The following PPP1R12B variants were observed in gnomAD, a reference collection of about 807,000 sequenced individuals.
The protein encoded by PPP1R12B is myosin phosphatase target subunit 2.
A neutral mutation model predicts 126.1 loss-of-function variants in PPP1R12B; 76 were observed. The ratio of observed to expected loss-of-function variants is 0.60; its 90% CI spans 0.50 to 0.73. The LOEUF is 0.73. Ranked by LOEUF, PPP1R12B falls within the 30% of genes least tolerant of loss-of-function variation. The probability of loss-of-function intolerance (pLI) is 0.00; values close to 1 mark genes in which losing one functional copy is unlikely to be tolerated. For missense variants in PPP1R12B, 1,052 were observed against 1,205.1 expected, an observed-to-expected ratio of 0.87 and a Z score of 1.88; for synonymous variants, 356 against 434.7, an observed-to-expected ratio of 0.82 and a Z score of 2.25.
chr1:202,487,000 A>G (rs192067447), intron 13 of PPP1R12B, among the ~76,000 whole-genome samples: 9 of 152,354 alleles, frequency 5.9e-5, no homozygotes, highest in Non-Finnish European at 1.3e-4. Context: ...AGGGAAAATT[A>G]TAAGCCAATT....
chr1:202,527,881 T>C (rs1277375986), intron 18 of PPP1R12B, among the ~76,000 whole-genome samples: 1 of 152,192 alleles, frequency 6.6e-6, no homozygotes, highest in African/African-American at 2.4e-5. Context: ...AGGCTAAGAA[T>C]TGAGGCAAAG....
chr1:202,521,805 T>G (rs371804621), intron 18 of PPP1R12B, among the ~76,000 whole-genome samples: 7 of 152,304 alleles, frequency 4.6e-5, no homozygotes, highest in Admixed American at 3.9e-4. Context: ...TAACAATAAC[T>G]GCAGCTAAGA....
intron 23 of PPP1R12B, chr1:202,574,815 C>G (rs960165605): frequency 5.4e-5 from 29 of 534,412 alleles, no homozygotes; most frequent in Non-Finnish European, 1.3e-5. Flanking sequence ...TTGCTTTTCT[C>G]CATCATCCTT....
intron 3 of PPP1R12B, among the ~76,000 whole-genome samples, chr1:202,424,302 A>T (rs1173950507): frequency 6.6e-6 from 1 of 150,632 alleles, no homozygotes; most frequent in African/African-American, 2.4e-5. Flanking sequence ...CACAGATAAT[A>T]CTTAGGTAGT....
Position 202,349,010 on chromosome 1 carries a change from G to T in PPP1R12B, c.159G>T (p.Arg53Ser). 1 of 1,609,772 alleles carries T rather than the reference G, an allele frequency of 6.2e-7. No individual in the cohort carries two copies. The highest frequency in any genetic ancestry group is 1.7e-5 in the Admixed American group (1 of 58,920). Reference sequence around the variant, plus strand: ...CGCTGACCAGGCGCGGGAGCCCCAGGGTCCGCTTCGAGGACGGTGCTGTCT... The same window carrying T: ...CGCTGACCAGGCGCGGGAGCCCCAGTGTCCGCTTCGAGGACGGTGCTGTCT... Reference protein sequence around the residue: ...RQPLTRRGSPRVRFEDGAVFL... With the variant: ...RQPLTRRGSPSVRFEDGAVFL... Residue 53 changes from arginine (R) to serine (S), a missense_variant, in exon 1 of 24, where the codon AGG becomes AGT. Physicochemically the swap from Arg to Ser is moderately radical, Grantham distance 110 (BLOSUM62 -1). Coordinates refer to ENST00000608999, the MANE Select transcript of PPP1R12B (RefSeq NM_002481.4).
At chr1:202,555,463 TAAAAA>T (rs59737329) in intron 18 of PPP1R12B, among the ~76,000 whole-genome samples, 8 of 61,414 alleles carry the variant, frequency 1.3e-4, no homozygotes. Context: ...AAGAAGAAAC[TAAAAA>T]AAAAAAAAAA....
Position 202,417,353 on chromosome 1 carries a change from G to A in PPP1R12B, c.422+436G>A, listed in dbSNP as rs1298811230. On this transcript the variant is annotated intron_variant, in intron 2 of 23. Transcript: ENST00000608999. ...GCCTAGCATACCAGTCACAGCACTC[G>A]TGTAGTTAATCGCAGAAGAATGAGC... 2.2e-5 allele frequency: 22 copies of A among 985,374 alleles called. No homozygotes were observed. The South Asian group carries it at 4.2e-4, about 19-fold the overall frequency. 61.0% of individuals were successfully genotyped at this position (985,374 alleles called of 1,614,324 possible). A position where few individuals can be genotyped will look rare whatever the true frequency, so the allele number is the denominator to read the frequency against.
intron 1 of PPP1R12B, among the ~76,000 whole-genome samples, chr1:202,365,044 A>G (rs1254539593): frequency 6.6e-6 from 1 of 152,242 alleles, no homozygotes; most frequent in Non-Finnish European, 1.5e-5. Context: ...AACAATTAGT[A>G]CAAATACCAC....
At chr1:202,513,122 A>G (rs1323140177) in intron 18 of PPP1R12B, among the ~76,000 whole-genome samples, 1 of 152,182 alleles carries the variant, frequency 6.6e-6, no homozygotes, top group African/African-American at 2.4e-5. Flanking sequence ...TATAGTCGTG[A>G]GCCACCATCC....
In PPP1R12B at chr1:202,584,089, G is replaced by C. The variant is rs1349333776; in HGVS notation, c.*3529G>C. ...TAGCGAAAGGGTTATGCAAATCTCA[G>C]GGTGTTGCCTCTAAAGAATCTAAAG... On this transcript the variant is annotated 3_prime_UTR_variant, in exon 24 of 24. Transcript: ENST00000608999. The C allele has an allele frequency of 6.6e-6, 1 of 152,164 alleles. No individual in the cohort carries two copies. The highest frequency in any genetic ancestry group is 2.4e-5 in the African/African-American group (1 of 41,424). The allele number at this position is 152,164 out of a possible 1,614,324, so 9.4% of individuals were successfully genotyped here. A position where few individuals can be genotyped will look rare whatever the true frequency, so the allele number is the denominator to read the frequency against.
chr1:202,576,376 C>CAG (rs1689092458), intron 23 of PPP1R12B: 2 of 152,302 alleles, frequency 1.3e-5, no homozygotes, highest in South Asian at 4.2e-4. Flanking sequence ...TAGTCCTGAC[C>CAG]AGAGCCTGTT....
intron 18 of PPP1R12B, among the ~76,000 whole-genome samples, chr1:202,514,530 A>G (rs899630168): frequency 1.3e-5 from 2 of 152,184 alleles, no homozygotes; most frequent in East Asian, 3.9e-4. Context: ...GGTATTGCCT[A>G]GGTTGTCTCC....
At chr1:202,474,304 T>C (rs112828987) in intron 13 of PPP1R12B, among the ~76,000 whole-genome samples, 6,421 of 152,042 alleles carry the variant, frequency 0.042, 361 homozygotes, top group African/African-American at 0.13. Context: ...TTTTTTTTTT[T>C]GAGACAGAGT....
At chr1:202,491,107 A>T (rs1678820941) in intron 14 of PPP1R12B, among the ~76,000 whole-genome samples, 1 of 152,118 alleles carries the variant, frequency 6.6e-6, no homozygotes, top group South Asian at 2.1e-4. Flanking sequence ...ATTTTTCCAT[A>T]TCCTCACCAA....
At chr1:202,472,102 C>G in intron 13 of PPP1R12B, 2 of 1,575,242 alleles carry the variant, frequency 1.3e-6, no homozygotes, top group South Asian at 2.2e-5. Context: ...TGAAGGAGAT[C>G]CTTTGTGAGA....
At chr1:202,526,751 T>C (rs759978672) in intron 18 of PPP1R12B, among the ~76,000 whole-genome samples, 7 of 152,100 alleles carry the variant, frequency 4.6e-5, no homozygotes, top group East Asian at 1.9e-4. Flanking sequence ...ATTGAGATTA[T>C]GGAGGGGTTA....
intron 11 of PPP1R12B, among the ~76,000 whole-genome samples, chr1:202,441,363 T>C (rs1457986628): frequency 1.3e-5 from 2 of 152,296 alleles, no homozygotes; most frequent in East Asian, 3.9e-4. Flanking sequence ...GGTTTTGCTA[T>C]GTTTCCCAGG....
chr1:202,485,088 A>G (rs1015501066), intron 13 of PPP1R12B, among the ~76,000 whole-genome samples: 2 of 152,216 alleles, frequency 1.3e-5, no homozygotes, highest in Non-Finnish European at 2.9e-5. Flanking sequence ...CTGGCCAGCT[A>G]GCTGTGCAGT....
chr1:202,579,803 G>C (rs1689424979), intron 23 of PPP1R12B, among the ~76,000 whole-genome samples: 1 of 152,134 alleles, frequency 6.6e-6, no homozygotes, highest in Non-Finnish European at 1.5e-5. Flanking sequence ...CTTTGGGGAG[G>C]ATTAAATACA....
Sources: allele counts gnomAD v4.1 joint callset (sites outside exome capture counted in the v4.1 genomes callset), GRCh38; gene constraint gnomAD v4.1.1; transcripts MANE v1.5; gene names NCBI Gene and HGNC (gene_info 2026-07-23, HGNC 2026-07-21).